Variants in ZNF100 observed in about 807,000 individuals in gnomAD.
ZNF100 encodes zinc finger protein 100, also known as zinc finger protein 100 (Y1).
ZNF100 carries 12 observed loss-of-function variants against 15.8 expected under a neutral mutation model. The ratio of observed to expected loss-of-function variants is 0.76; its 90% CI spans 0.49 to 1.23. The LOEUF (loss-of-function observed/expected upper bound fraction) is 1.23, where lower values mean the gene tolerates loss of function less well. Ranked by LOEUF, ZNF100 falls within the 50% of genes most tolerant of loss-of-function variation. ZNF100 has a pLI of 0.00. For missense variants in ZNF100, 670 were observed against 635.6 expected, an observed-to-expected ratio of 1.05 and a Z score of -0.58; for synonymous variants, 226 against 214.8, an observed-to-expected ratio of 1.05 and a Z score of -0.45.
chr19:21,729,461 C>G (rs535525211), intron 4 of ZNF100, among the ~76,000 whole-genome samples: 1 of 151,386 alleles, frequency 6.6e-6, no homozygotes, highest in Non-Finnish European at 1.5e-5. Flanking sequence ...GGAGAAATAC[C>G]TAATGTAAAC....
chr19:21,756,930 T>C (rs916548897), intron 2 of ZNF100, among the ~76,000 whole-genome samples: 1 of 152,058 alleles, frequency 6.6e-6, no homozygotes, highest in African/African-American at 2.4e-5. Flanking sequence ...CCAGAAATAA[T>C]GCCACACACC....
chr19:21,733,730 C>T (rs2035961565), intron 4 of ZNF100, among the ~76,000 whole-genome samples: 1 of 152,258 alleles, frequency 6.6e-6, no homozygotes, highest in Non-Finnish European at 1.5e-5. Flanking sequence ...TTAAATGGTT[C>T]CTGAATCCTG....
intron 2 of ZNF100, among the ~76,000 whole-genome samples, chr19:21,748,703 T>C (rs1337715094): frequency 1.6e-5 from 2 of 127,272 alleles, no homozygotes; most frequent in Non-Finnish European, 3.4e-5. Context: ...GCAAAGTTTT[T>C]TTGTTTTGTT....
Position 21,727,462 on chromosome 19 carries a change from T to C in ZNF100, c.850A>G (p.Thr284Ala), listed in dbSNP as rs766608060. ...TCACATCTGTATGGTTTCTCTCCAG[T>C]ATGAATTATCTTATGTGTAGTAAGG... ...SHLTTHKIIH[T>A]GEKPYRCEEC... The change falls in exon 5 of 5, where the codon ACT becomes GCT. Residue 284 changes from threonine to alanine, a missense_variant. Physicochemically the swap from Thr to Ala is moderately conservative, Grantham distance 58 (BLOSUM62 0). Coordinates refer to ENST00000358296, the MANE Select transcript of ZNF100 (RefSeq NM_173531.4). 6.8e-6 allele frequency: 11 copies of C among 1,613,058 alleles called. No individual in the cohort carries two copies. Among genetic ancestry groups the C allele is most frequent in the Admixed American group, 1.7e-5 (1 of 59,946 alleles).
At chr19:21,735,798 A>AT (rs1200312423) in intron 4 of ZNF100, among the ~76,000 whole-genome samples, 9 of 150,760 alleles carry the variant, frequency 6.0e-5, no homozygotes, top group South Asian at 2.1e-4. Context: ...CGCTTGATTG[A>AT]TTTTTTTTGA....
At chr19:21,755,528 T>C (rs1238405451) in intron 2 of ZNF100, among the ~76,000 whole-genome samples, 5 of 152,156 alleles carry the variant, frequency 3.3e-5, no homozygotes, top group Non-Finnish European at 5.9e-5. Context: ...AGTATGGTCA[T>C]TCCTCAAGGA....
At chr19:21,766,311 G>A (rs2036560270) in intron 1 of ZNF100, among the ~76,000 whole-genome samples, 1 of 151,692 alleles carries the variant, frequency 6.6e-6, no homozygotes. Context: ...ACCTGCTTGG[G>A]ACACAGGTGA....
chr19:21,723,949 TAC>T lies in ZNF100; in HGVS notation c.*2732_*2733del, dbSNP rs2035726906. On this transcript the variant is annotated 3_prime_UTR_variant, in exon 5 of 5. Coordinates refer to ENST00000358296, the MANE Select transcript of ZNF100 (RefSeq NM_173531.4). ...TCTAACTAAATAAAATGTAACTTAA[TAC>T]ACTAATTGTGGAATTACATTTAAAA... is the stretch of plus-strand genomic sequence containing the variant. 6.6e-6 allele frequency: 1 copy of T among 152,228 alleles called. No individual in the cohort carries two copies. Among genetic ancestry groups the T allele is most frequent in the African/African-American group, 2.4e-5 (1 of 41,446 alleles). The allele number at this position is 152,228 out of a possible 1,614,324, so 9.4% of individuals were successfully genotyped here.
rs770361488 is a variant in ZNF100, at chr19:21,727,899, T to C, written c.413A>G (p.Tyr138Cys). ...TTGTAACTGTAAATTGTCATGTCCA[T>C]ATTTTCCATATTTTTTCAGAATCGC... is the stretch of plus-strand genomic sequence containing the variant. Reference protein sequence around the residue: ...QEAILKKYGKYGHDNLQLQKG... With the variant: ...QEAILKKYGKCGHDNLQLQKG... Residue 138 changes from tyrosine to cysteine, a missense_variant, in exon 5 of 5, where the codon TAT becomes TGT. Physicochemically the swap from Tyr to Cys is radical, Grantham distance 194. Transcript: ENST00000358296. 1.9e-6 allele frequency: 3 copies of C among 1,601,882 alleles called. No homozygotes were observed. The highest frequency in any genetic ancestry group is 1.3e-5 in the African/African-American group (1 of 74,286).
chr19:21,767,555 T>A lies in ZNF100; in HGVS notation c.-126A>T. Reference sequence around the variant, plus strand: ...GAGAAGTGAGAGCAAAACCTGGAGCTCCGGCTACAGCGAGAGACAAAGACC... The same window carrying A: ...GAGAAGTGAGAGCAAAACCTGGAGCACCGGCTACAGCGAGAGACAAAGACC... On this transcript the variant is annotated 5_prime_UTR_variant, in exon 1 of 5. Coordinates refer to ENST00000358296, the MANE Select transcript of ZNF100 (RefSeq NM_173531.4). 1.4e-6 allele frequency: 2 copies of A among 1,411,802 alleles called. No individual in the cohort carries two copies. Among genetic ancestry groups the A allele is most frequent in the Non-Finnish European group, 9.6e-7 (1 of 1,036,522 alleles). 87.5% of individuals were successfully genotyped at this position (1,411,802 alleles called of 1,614,324 possible). A position where few individuals can be genotyped will look rare whatever the true frequency, so the allele number is the denominator to read the frequency against.
intron 2 of ZNF100, among the ~76,000 whole-genome samples, chr19:21,757,273 A>G (rs1216713243): frequency 6.6e-6 from 1 of 152,224 alleles, no homozygotes; most frequent in East Asian, 1.9e-4. Flanking sequence ...CTTCATCTCT[A>G]CTAAAAATAC....
intron 1 of ZNF100, 53 bp from the exon 2 acceptor site, chr19:21,765,839 A>G (rs2036550603): frequency 1.3e-6 from 2 of 1,548,922 alleles, no homozygotes; most frequent in East Asian, 2.2e-5. Context: ...TTTAGCTGAC[A>G]GAACCATGGC....
intron 4 of ZNF100, among the ~76,000 whole-genome samples, chr19:21,730,466 G>GTGTA (rs1211066744): frequency 5.3e-5 from 8 of 151,912 alleles, no homozygotes; most frequent in Admixed American, 3.9e-4. Flanking sequence ...GTGTGTGTGT[G>GTGTA]TGTGTGTGTG....
At chr19:21,749,953 C>T (rs2145727161) in intron 2 of ZNF100, among the ~76,000 whole-genome samples, 1 of 152,304 alleles carries the variant, frequency 6.6e-6, no homozygotes. Flanking sequence ...TCTGACTCTG[C>T]ATCCTTGGGT....
chr19:21,743,874 A>G (rs2036164300), intron 4 of ZNF100, 143 bp downstream of exon 4: 1 of 457,336 alleles, frequency 2.2e-6, no homozygotes. Context: ...AAAAAAAAAA[A>G]GCCCAAAAAA....
At chr19:21,762,623 T>A (rs186564334) in intron 2 of ZNF100, among the ~76,000 whole-genome samples, 5 of 152,260 alleles carry the variant, frequency 3.3e-5, no homozygotes, top group Admixed American at 2.6e-4. Flanking sequence ...TATCATCACC[T>A]CTATTCAGCA....
Position 21,728,299 on chromosome 19 carries a change from G to A in ZNF100, c.323-310C>T, listed in dbSNP as rs146316222. Among the ~76,000 whole-genome samples, 868 of 152,154 alleles carry A rather than the reference G, an allele frequency of 5.7e-3. 12 individuals are homozygous for A. Among genetic ancestry groups the A allele is most frequent in the African/African-American group, 0.02 (837 of 41,542 alleles). On this transcript the variant is annotated intron_variant, in intron 4 of 4. Coordinates refer to ENST00000358296, the MANE Select transcript of ZNF100 (RefSeq NM_173531.4). ...CCAATATAACATACTGTCTTTAGAA[G>A]TAAATTGCCAACTTGTTTTTAATGA...
intron 2 of ZNF100, chr19:21,750,896 C>G: frequency 3.4e-6 from 2 of 584,912 alleles, no homozygotes; most frequent in Non-Finnish European, 6.1e-6. Flanking sequence ...CAGCCTCAAG[C>G]TGGGCCGGTG....
intron 4 of ZNF100, among the ~76,000 whole-genome samples, chr19:21,736,249 A>G (rs2145700708): frequency 6.6e-6 from 1 of 152,212 alleles, no homozygotes; most frequent in East Asian, 1.9e-4. Flanking sequence ...CACTATGCCC[A>G]GCTAATTTTT....
Sources: gnomAD v4.1 joint callset for allele counts (sites outside exome capture counted in the v4.1 genomes callset) on GRCh38, gnomAD v4.1.1 for gene constraint, MANE v1.5 for transcripts, NCBI Gene and HGNC (gene_info 2026-07-23, HGNC 2026-07-21) for gene names.